FGF14: variants seen among roughly 807,000 people sequenced by gnomAD.
FGF14 encodes the protein fibroblast growth factor 14, also known as fibroblast growth factor homologous factor 4.
Under a neutral mutation model 25.5 loss-of-function variants are expected in FGF14, and 5 were observed. The ratio of observed to expected loss-of-function variants is 0.20; its 90% confidence interval spans 0.10 to 0.41. The LOEUF (loss-of-function observed/expected upper bound fraction) is 0.41, where lower values mean the gene tolerates loss of function less well. Among genes scored for constraint, FGF14 ranks in the 10% least tolerant of loss-of-function variants. The pLI is 1.00. For synonymous variants in FGF14, 138 were observed against 118.3 expected, an observed-to-expected ratio of 1.17 and a Z score of -1.08; for missense variants, 222 against 320.1, an observed-to-expected ratio of 0.69 and a Z score of 2.34.
intron 1 of FGF14, among the ~76,000 whole-genome samples, chr13:102,234,723 T>C (rs1362720575): frequency 6.6e-6 from 1 of 152,212 alleles, no homozygotes; most frequent in East Asian, 1.9e-4. Flanking sequence ...TATACATATA[T>C]ATGTCAGACA....
chr13:102,068,712 G>A (rs984108055), intron 1 of FGF14, among the ~76,000 whole-genome samples: 3 of 152,208 alleles, frequency 2.0e-5, no homozygotes, highest in African/African-American at 7.2e-5. Context: ...CCTTCCCGCG[G>A]GGCAGGGCTC....
chr13:102,002,020 G>T, intron 1 of FGF14: 1 of 152,208 alleles, frequency 6.6e-6, no homozygotes, highest in East Asian at 1.9e-4. Context: ...TCATGATTAG[G>T]AATGGTTTAT....
chr13:101,750,570 G>A (rs2037204598), intron 3 of FGF14, among the ~76,000 whole-genome samples: 1 of 152,178 alleles, frequency 6.6e-6, no homozygotes, highest in Non-Finnish European at 1.5e-5. Flanking sequence ...AATAACAGGA[G>A]TGACTGTTAT....
At chr13:102,133,207 C>T (rs1015239754) in intron 1 of FGF14, among the ~76,000 whole-genome samples, 4 of 152,196 alleles carry the variant, frequency 2.6e-5, no homozygotes, top group Non-Finnish European at 5.9e-5. Flanking sequence ...TAGGTCTGCA[C>T]TGATTTTAAT....
intron 1 of FGF14, among the ~76,000 whole-genome samples, chr13:101,989,690 T>C (rs1214925008): frequency 6.6e-6 from 1 of 152,146 alleles, no homozygotes; most frequent in East Asian, 1.9e-4. Context: ...TTAGTAGCAT[T>C]TTAAATTAAC....
At chr13:101,986,775 T>C (rs2038604054) in intron 1 of FGF14, among the ~76,000 whole-genome samples, 1 of 152,084 alleles carries the variant, frequency 6.6e-6, no homozygotes, top group Non-Finnish European at 1.5e-5. Context: ...AAAACTGAAC[T>C]CTTGATATCC....
chr13:101,905,538 G>A (rs963319244), intron 1 of FGF14, among the ~76,000 whole-genome samples: 5 of 151,372 alleles, frequency 3.3e-5, no homozygotes, highest in South Asian at 2.1e-4. Flanking sequence ...GACATCACAC[G>A]CTGGGGCCTG....
Position 101,713,725 on chromosome 13 carries a change from A to G in FGF14, c.*9106T>C, listed in dbSNP as rs2034586173. 6.6e-6 allele frequency: 1 copy of G among 152,160 alleles called. No individual in the cohort carries two copies. The highest frequency in any genetic ancestry group is 1.5e-5 in the Non-Finnish European group (1 of 68,028). 9.4% of individuals were successfully genotyped at this position (152,160 alleles called of 1,614,324 possible). A position where few individuals can be genotyped will look rare whatever the true frequency, so the allele number is the denominator to read the frequency against. ...TAAAATTTTTACTCAGTAAGTAAAGATATTTTAAATAACCAAAGAGGAAGT... is the reference window on the plus strand; with the variant it reads ...TAAAATTTTTACTCAGTAAGTAAAGGTATTTTAAATAACCAAAGAGGAAGT... On this transcript the variant is annotated 3_prime_UTR_variant, in exon 5 of 5. Coordinates refer to ENST00000376143, the MANE Select transcript of FGF14 (RefSeq NM_004115.4).
At chr13:102,370,337 C>T (rs931029782) in intron 1 of FGF14, among the ~76,000 whole-genome samples, 2 of 152,042 alleles carry the variant, frequency 1.3e-5, no homozygotes, top group Non-Finnish European at 2.9e-5. Context: ...AAGAACTATA[C>T]ATTATTATAT....
At chr13:101,954,480 C>T (rs2036385055) in intron 1 of FGF14, among the ~76,000 whole-genome samples, 1 of 152,218 alleles carries the variant, frequency 6.6e-6, no homozygotes. Flanking sequence ...TTAGGATTTA[C>T]TGCCCAATGG....
chr13:101,756,714 C>G (rs1269145210), intron 3 of FGF14, among the ~76,000 whole-genome samples: 1 of 152,110 alleles, frequency 6.6e-6, no homozygotes, highest in African/African-American at 2.4e-5. Context: ...GCCTGGGTGA[C>G]AGAGCAAGAC....
At chr13:101,738,949 T>A (rs1344014271) in intron 3 of FGF14, among the ~76,000 whole-genome samples, 1 of 75,080 alleles carries the variant, frequency 1.3e-5, no homozygotes, top group East Asian at 2.7e-4. Context: ...ATTGTATGTG[T>A]GTGTGTGTAT....
chr13:101,754,805 A>G (rs140076435), intron 3 of FGF14, among the ~76,000 whole-genome samples: 1 of 152,178 alleles, frequency 6.6e-6, no homozygotes. Context: ...ATAAATGGAG[A>G]ATCTGAAAAT....
chr13:102,078,742 C>T (rs1021428250), intron 1 of FGF14, among the ~76,000 whole-genome samples: 2 of 152,140 alleles, frequency 1.3e-5, no homozygotes, highest in Non-Finnish European at 2.9e-5. Flanking sequence ...TGAGCCATGA[C>T]GTTGGAAACT....
intron 1 of FGF14, among the ~76,000 whole-genome samples, chr13:101,909,089 T>C (rs1279162757): frequency 1.3e-5 from 2 of 152,146 alleles, no homozygotes; most frequent in African/African-American, 2.4e-5. Flanking sequence ...CAAAAATTAA[T>C]TCAAGATGGA....
chr13:102,146,120 T>C (rs968278648), intron 1 of FGF14, among the ~76,000 whole-genome samples: 1 of 152,202 alleles, frequency 6.6e-6, no homozygotes, highest in Non-Finnish European at 1.5e-5. Flanking sequence ...TGGTTGCTTG[T>C]ACAAAGTCAC....
At chr13:102,151,301 C>G (rs2047073896) in intron 1 of FGF14, among the ~76,000 whole-genome samples, 1 of 152,102 alleles carries the variant, frequency 6.6e-6, no homozygotes, top group Non-Finnish European at 1.5e-5. Context: ...TTATGTGATG[C>G]TGGGGGTATC....
intron 1 of FGF14, among the ~76,000 whole-genome samples, chr13:102,327,935 G>C (rs932475247): frequency 4.0e-5 from 6 of 149,536 alleles, no homozygotes; most frequent in African/African-American, 9.8e-5. Flanking sequence ...ATAAATAAAT[G>C]GTTTATAAGC....
chr13:102,202,841 A>C (rs2049725475), intron 1 of FGF14, among the ~76,000 whole-genome samples: 1 of 152,222 alleles, frequency 6.6e-6, no homozygotes, highest in African/African-American at 2.4e-5. Context: ...AAAAGGGCTC[A>C]GACTTAGAAT....
Sources: gnomAD v4.1 joint callset for allele counts (sites outside exome capture counted in the v4.1 genomes callset) on GRCh38, gnomAD v4.1.1 for gene constraint, MANE v1.5 for transcripts, NCBI Gene and HGNC (gene_info 2026-07-23, HGNC 2026-07-21) for gene names.